Variants in TENM1 observed in about 807,000 individuals in gnomAD.
TENM1 encodes the protein teneurin transmembrane protein 1, also known as teneurin-1.
A neutral mutation model predicts 174.8 loss-of-function variants in TENM1; 35 were observed. That is an observed-to-expected ratio of 0.20 (90% CI 0.15 to 0.27). TENM1 has a LOEUF of 0.27. Among genes scored for constraint, TENM1 ranks in the 10% least tolerant of loss-of-function variants. The probability of loss-of-function intolerance (pLI) is 1.00; values close to 1 mark genes in which losing one functional copy is unlikely to be tolerated. For synonymous variants in TENM1, 781 were observed against 798.7 expected (o/e 0.98, Z 0.37); for missense variants, 1,633 against 2,130.1 (o/e 0.77, Z 4.59).
At chrX:124,827,333 G>C (rs1052604783) in intron 3 of TENM1, among the ~76,000 whole-genome samples, 1 of 112,033 alleles carries the variant, frequency 8.9e-6, no homozygotes, top group Non-Finnish European at 1.9e-5. Context: ...ACAGGCATGA[G>C]TCACTGCGCC....
chrX:125,125,055 GATC>G, the TENM1 span, among the ~76,000 whole-genome samples: 13 of 112,224 alleles, frequency 1.2e-4, no homozygotes, highest in Non-Finnish European at 1.9e-4. Context: ...TGCATCATTG[GATC>G]ATGTTATTGA....
At chrX:124,551,184 C>T (rs958169356) in intron 14 of TENM1, among the ~76,000 whole-genome samples, 1 of 111,933 alleles carries the variant, frequency 8.9e-6, no homozygotes, top group Non-Finnish European at 1.9e-5. Flanking sequence ...GTATCACATG[C>T]TATAATAAAG....
At chrX:124,886,944 T>C (rs2057401360) in intron 3 of TENM1, among the ~76,000 whole-genome samples, 1 of 110,115 alleles carries the variant, frequency 9.1e-6, no homozygotes, top group African/African-American at 3.3e-5. Context: ...ATATTGCAGA[T>C]TGGGTATTAG....
At chrX:125,059,674 T>C in the TENM1 span, among the ~76,000 whole-genome samples, 1 of 111,645 alleles carries the variant, frequency 9.0e-6, no homozygotes, top group Non-Finnish European at 1.9e-5. Flanking sequence ...TTTTTCTTTT[T>C]AGATTCCACA....
chrX:125,149,188 T>C, the TENM1 span, among the ~76,000 whole-genome samples: 2 of 112,360 alleles, frequency 1.8e-5, no homozygotes, highest in African/African-American at 6.5e-5. Flanking sequence ...CCTTAGCTTA[T>C]GCTCTGTCTG....
At chrX:124,387,407 C>T (rs1267360867) in intron 28 of TENM1, among the ~76,000 whole-genome samples, 1 of 111,740 alleles carries the variant, frequency 8.9e-6, no homozygotes, top group Admixed American at 9.5e-5. Context: ...AAAAATTTCT[C>T]ATCCTTGGAG....
At chrX:124,525,009 C>G (rs2047942177) in intron 16 of TENM1, among the ~76,000 whole-genome samples, 1 of 111,869 alleles carries the variant, frequency 8.9e-6, no homozygotes, top group Admixed American at 9.5e-5. Context: ...GATCTTTCAG[C>G]AAAACACTTT....
At chrX:124,788,100 C>T (rs1289852091) in intron 3 of TENM1, among the ~76,000 whole-genome samples, 1 of 111,426 alleles carries the variant, frequency 9.0e-6, no homozygotes, top group Admixed American at 9.5e-5. Flanking sequence ...CCAGAAAAGA[C>T]CTGCCCCTAT....
chrX:125,178,839 G>A, the TENM1 span, among the ~76,000 whole-genome samples: 1 of 110,836 alleles, frequency 9.0e-6, no homozygotes, highest in Non-Finnish European at 1.9e-5. Context: ...TGGCATGGTG[G>A]CTCATGTATA....
At chrX:124,470,766 G>A (rs1036132207) in intron 22 of TENM1, among the ~76,000 whole-genome samples, 3 of 110,526 alleles carry the variant, frequency 2.7e-5, no homozygotes, top group African/African-American at 6.6e-5. Flanking sequence ...ATGCTCAGGT[G>A]GGAGTAACCC....
chrX:124,862,776 T>C (rs2056937379), intron 3 of TENM1, among the ~76,000 whole-genome samples: 1 of 109,794 alleles, frequency 9.1e-6, no homozygotes, highest in African/African-American at 3.3e-5. Context: ...TGTAACATAC[T>C]TGAGACACCA....
At chrX:124,586,489 G>C (rs1328940163) in intron 11 of TENM1, among the ~76,000 whole-genome samples, 3 of 110,895 alleles carry the variant, frequency 2.7e-5, no homozygotes, top group Admixed American at 1.9e-4. Flanking sequence ...ATTCAACAAC[G>C]CTTCATGCTA....
At chrX:124,905,363 A>C (rs758828693) in intron 1 of TENM1, among the ~76,000 whole-genome samples, 1 of 111,853 alleles carries the variant, frequency 8.9e-6, no homozygotes, top group South Asian at 3.8e-4. Flanking sequence ...GATTGAGAAA[A>C]TAACTTTTTG....
the TENM1 span, among the ~76,000 whole-genome samples, chrX:125,058,345 A>G: frequency 4.5e-5 from 5 of 111,968 alleles, no homozygotes; most frequent in African/African-American, 1.6e-4. Flanking sequence ...ATCAACAAAC[A>G]CTGTGAAGTA....
intron 3 of TENM1, among the ~76,000 whole-genome samples, chrX:124,775,137 G>A (rs780513154): frequency 5.5e-5 from 6 of 109,412 alleles, no homozygotes; most frequent in Non-Finnish European, 5.7e-5. Flanking sequence ...CATAAACCCC[G>A]TCTCTACTAA....
chrX:124,773,341 C>T (rs1435204838), intron 3 of TENM1, among the ~76,000 whole-genome samples: 9 of 108,533 alleles, frequency 8.3e-5, no homozygotes, highest in Non-Finnish European at 1.5e-4. Flanking sequence ...ACCAAACTAC[C>T]CTGAGGCAAT....
the TENM1 span, among the ~76,000 whole-genome samples, chrX:125,064,311 ATAAAAAAAAGAAAGAAAAAT>A: frequency 8.9e-6 from 1 of 111,739 alleles, no homozygotes; most frequent in Non-Finnish European, 1.9e-5. Flanking sequence ...AAGTATAATA[ATAAAAAAAAGAAAGAAAAAT>A]TAAAAAAAAG....
At chrX:124,722,003 G>A (rs1261813696) in intron 4 of TENM1, among the ~76,000 whole-genome samples, 2 of 111,996 alleles carry the variant, frequency 1.8e-5, no homozygotes, top group Admixed American at 9.4e-5. Context: ...AAAGTATTTA[G>A]CTACAAGTGT....
chrX:124,715,118 T>A (rs752056059), intron 4 of TENM1, among the ~76,000 whole-genome samples: 1 of 112,546 alleles, frequency 8.9e-6, no homozygotes, highest in Non-Finnish European at 1.9e-5. Flanking sequence ...CTCTTTATAT[T>A]TAATGCTAAT....
Sources: gnomAD v4.1 joint callset for allele counts (sites outside exome capture counted in the v4.1 genomes callset) on GRCh38, gnomAD v4.1.1 for gene constraint, MANE v1.5 for transcripts, NCBI Gene and HGNC (gene_info 2026-07-23, HGNC 2026-07-21) for gene names.